MEGF11: variants seen among roughly 807,000 people sequenced by gnomAD.
MEGF11 encodes multiple epidermal growth factor-like domains protein 11.
In MEGF11, 126 loss-of-function variants were observed where a neutral mutation model predicts 146.6. That is an observed-to-expected ratio of 0.86 (90% confidence interval 0.74 to 1.00). The LOEUF is 1.00. Ranked by LOEUF, MEGF11 falls within the 50% of genes least tolerant of loss-of-function variation. The probability of loss-of-function intolerance (pLI) is 0.00; values close to 1 mark genes in which losing one functional copy is unlikely to be tolerated. For synonymous variants in MEGF11, 532 were observed against 583.4 expected, an observed-to-expected ratio of 0.91 and a Z score of 1.27; for missense variants, 1,509 against 1,521.2, an observed-to-expected ratio of 0.99 and a Z score of 0.13.
In MEGF11 at chr15:66,002,989, CTTT is replaced by C. The variant is rs144418381; in HGVS notation, c.395-20504_395-20502del. On this transcript the variant is annotated intron_variant, in intron 5 of 25. Coordinates refer to ENST00000395614, the MANE Select transcript of MEGF11 (RefSeq NM_001385028.1). ...CTAGGGCTGTTTCTTTCTTTTCTTT[CTTT>C]TTTCTTTTTTTTTTTTGAGATAGAG... 2.3e-4 allele frequency among the ~76,000 whole-genome samples: 25 copies of C among 109,494 alleles called. No individual in the cohort carries two copies. The East Asian group carries it at 3.8e-3, about 16-fold the overall frequency. The allele number at this position is 109,494 out of a possible 152,430, so 71.8% of individuals were successfully genotyped here.
chr15:66,204,451 T>C (rs2091248830), intron 1 of MEGF11, among the ~76,000 whole-genome samples: 1 of 152,168 alleles, frequency 6.6e-6, no homozygotes, highest in Admixed American at 6.5e-5. Flanking sequence ...GAAGCAGTTA[T>C]AAACCACGTT....
intron 5 of MEGF11, among the ~76,000 whole-genome samples, chr15:65,991,561 T>G (rs909504209): frequency 6.6e-6 from 1 of 152,134 alleles, no homozygotes; most frequent in Non-Finnish European, 1.5e-5. Flanking sequence ...CAGTAGTACC[T>G]CCCCGACACA....
chr15:66,055,895 TTCC>T (rs2084656070), intron 5 of MEGF11, among the ~76,000 whole-genome samples: 1 of 152,166 alleles, frequency 6.6e-6, no homozygotes, highest in Admixed American at 6.5e-5. Flanking sequence ...AAGCCCCGAA[TTCC>T]AGAGTCAGGA....
chr15:66,016,192 G>A lies in MEGF11; in HGVS notation c.395-33704C>T, dbSNP rs774863315. 1.1e-4 allele frequency among the ~76,000 whole-genome samples: 16 copies of A among 151,986 alleles called. No homozygotes were observed. The South Asian group carries it at 2.1e-3, about 20-fold the overall frequency. Reference sequence around the variant, plus strand: ...CTTGTTTCAACTATATCATGCTCCCGCTTCCCTCCTCCATCCTGTGGTTTA... The same window carrying A: ...CTTGTTTCAACTATATCATGCTCCCACTTCCCTCCTCCATCCTGTGGTTTA... On this transcript the variant is annotated intron_variant, in intron 5 of 25. Transcript: ENST00000395614.
chr15:65,985,543 G>C, intron 5 of MEGF11, among the ~76,000 whole-genome samples: 1 of 151,858 alleles, frequency 6.6e-6, no homozygotes, highest in East Asian at 1.9e-4. Context: ...TGCATCGCAG[G>C]GCATACAGTT....
chr15:65,989,580 A>G (rs371258574), intron 5 of MEGF11, among the ~76,000 whole-genome samples: 2 of 152,234 alleles, frequency 1.3e-5, no homozygotes, highest in East Asian at 3.8e-4. Context: ...AAATAAAGTG[A>G]CTTCCCAGTG....
At chr15:66,167,626 TG>T (rs2090133377) in intron 1 of MEGF11, among the ~76,000 whole-genome samples, 1 of 151,398 alleles carries the variant, frequency 6.6e-6, no homozygotes, top group East Asian at 2.0e-4. Flanking sequence ...GCCTGGGCAA[TG>T]AGAGCGAAAT....
At chr15:66,141,828 A>G (rs113520386) in intron 1 of MEGF11, among the ~76,000 whole-genome samples, 1 of 152,258 alleles carries the variant, frequency 6.6e-6, no homozygotes, top group Non-Finnish European at 1.5e-5. Flanking sequence ...CCTTGGCCTA[A>G]CATCATCTTT....
At chr15:66,147,901 G>A (rs139472384) in intron 1 of MEGF11, among the ~76,000 whole-genome samples, 5 of 152,334 alleles carry the variant, frequency 3.3e-5, no homozygotes, top group African/African-American at 9.6e-5. Flanking sequence ...AAAAGTGAAT[G>A]CTCATTAATA....
At chr15:66,114,866 G>A (rs891221297) in intron 4 of MEGF11, among the ~76,000 whole-genome samples, 3 of 152,214 alleles carry the variant, frequency 2.0e-5, no homozygotes, top group African/African-American at 7.2e-5. Flanking sequence ...AAATTGTACA[G>A]AGAGGAGAAA....
intron 22 of MEGF11, 105 bp downstream of exon 22, chr15:65,909,635 T>G (rs145897581): frequency 8.7e-7 from 1 of 1,147,200 alleles, no homozygotes; most frequent in African/African-American, 1.5e-5. Context: ...GGGGAAACCA[T>G]GTTCAGAACT....
At chr15:66,146,278 C>T (rs575532003) in intron 1 of MEGF11, among the ~76,000 whole-genome samples, 5 of 152,308 alleles carry the variant, frequency 3.3e-5, no homozygotes, top group Admixed American at 1.3e-4. Context: ...TCACCTCCAG[C>T]GGGAAGGCTG....
rs1431214873 is a variant in MEGF11 at position 65,898,755 on chromosome 15, T to C, written c.3235A>G (p.Thr1079Ala). Residue 1079 changes from threonine to alanine, a missense_variant, in exon 25 of 26, where the codon ACA (threonine) becomes GCA (alanine). Physicochemically the swap from Thr to Ala is moderately conservative, Grantham distance 58 (BLOSUM62 0). Transcript: ENST00000395614. ...SPYTDVPSLS[T>A]SNKNIYEVEP... is the part of the protein sequence containing the mutation. ...ACTTCATATATATTTTTATTAGATG[T>C]CGACAAGGATGGCACATCTGTGTAC... is the stretch of plus-strand genomic sequence containing the variant. 1 of 1,613,810 alleles carries C rather than the reference T, an allele frequency of 6.2e-7. No homozygotes were observed. The highest frequency in any genetic ancestry group is 1.3e-5 in the African/African-American group (1 of 74,922).
At chr15:65,968,056 TC>T (rs2081171813) in intron 8 of MEGF11, among the ~76,000 whole-genome samples, 1 of 152,086 alleles carries the variant, frequency 6.6e-6, no homozygotes, top group Admixed American at 6.5e-5. Flanking sequence ...TTTCTGCAAA[TC>T]TTGTCATATT....
chr15:66,222,525 G>C (rs1391666820), intron 1 of MEGF11, among the ~76,000 whole-genome samples: 2 of 152,172 alleles, frequency 1.3e-5, no homozygotes, highest in Non-Finnish European at 2.9e-5. Flanking sequence ...TTTGTCTTGT[G>C]TTCGTCTCCC....
At chr15:65,958,752 C>T (rs1025069866) in intron 9 of MEGF11, among the ~76,000 whole-genome samples, 5 of 152,222 alleles carry the variant, frequency 3.3e-5, no homozygotes, top group Admixed American at 3.3e-4. Context: ...CCAGCCTCCT[C>T]AGCTTCCTCC....
intron 1 of MEGF11, among the ~76,000 whole-genome samples, chr15:66,231,971 T>G (rs2091975726): frequency 6.6e-6 from 1 of 152,172 alleles, no homozygotes; most frequent in South Asian, 2.1e-4. Context: ...TAGGTTCTAT[T>G]TCAAGCCCAT....
At chr15:66,052,248 G>T (rs1287692508) in intron 5 of MEGF11, among the ~76,000 whole-genome samples, 1 of 152,166 alleles carries the variant, frequency 6.6e-6, no homozygotes, top group Non-Finnish European at 1.5e-5. Context: ...TGTGCTGGGG[G>T]TGGGGGGCAA....
chr15:65,988,259 C>T (rs950912722), intron 5 of MEGF11, among the ~76,000 whole-genome samples: 9 of 151,376 alleles, frequency 5.9e-5, no homozygotes, highest in African/African-American at 2.2e-4. Context: ...CTACCTGCCT[C>T]GGCCTCCCAA....
Sources: allele counts gnomAD v4.1 joint callset (sites outside exome capture counted in the v4.1 genomes callset), GRCh38; gene constraint gnomAD v4.1.1; transcripts MANE v1.5; gene names NCBI Gene and HGNC (gene_info 2026-07-23, HGNC 2026-07-21).